GALNT18: variants seen among roughly 807,000 people sequenced by gnomAD.
GALNT18 encodes the protein polypeptide N-acetylgalactosaminyltransferase 18.
GALNT18 carries 44 observed loss-of-function variants against 69.5 expected under a neutral mutation model. The observed-to-expected ratio is 0.63, with a 90% confidence interval of 0.50 to 0.81. The LOEUF (loss-of-function observed/expected upper bound fraction) is 0.81. GALNT18 is among the 40% of genes least tolerant of loss of function. The probability of loss-of-function intolerance (pLI) is 0.00; values close to 1 mark genes in which losing one functional copy is unlikely to be tolerated. For missense variants in GALNT18, 715 were observed against 810.0 expected, an observed-to-expected ratio of 0.88 and a Z score of 1.42; for synonymous variants, 364 against 318.2, an observed-to-expected ratio of 1.14 and a Z score of -1.53.
Position 11,600,616 on chromosome 11 carries a change from G to A in GALNT18, c.235+20743C>T, listed in dbSNP as rs1859609585. Among the ~76,000 whole-genome samples the A allele has an allele frequency of 6.6e-6, 1 of 151,990 alleles. No homozygotes were observed. On this transcript the variant is annotated intron_variant, in intron 1 of 10. Coordinates refer to ENST00000227756, the MANE Select transcript of GALNT18 (RefSeq NM_198516.3). This position sits in a 1 kb window ranked among gnomAD's most constrained non-coding sequence, Gnocchi z 4.8. ...CAAAATTTCAACTATGATGTGTCTG[G>A]ATGTGGCTTTGTTTTTATCCTATAT...
At position 11,582,841 on chromosome 11, in the gene GALNT18, G is replaced by A. The variant is rs763005457; in HGVS notation, c.235+38518C>T. 1.1e-4 allele frequency among the ~76,000 whole-genome samples: 17 copies of A among 152,216 alleles called. No homozygotes were observed. The highest frequency in any genetic ancestry group is 6.2e-4 in the South Asian group (3 of 4,816). On this transcript the variant is annotated intron_variant, in intron 1 of 10. Transcript: ENST00000227756. This position sits in a 1 kb window ranked among gnomAD's most constrained non-coding sequence, Gnocchi z 5.0. ...TTACTCTAGTTGTTGAGTGAAGAAC[G>A]GACCCACATCAGCTGCACCTCTTTC...
chr11:11,397,617 G>A (rs2133729577), intron 3 of GALNT18, among the ~76,000 whole-genome samples: 1 of 152,086 alleles, frequency 6.6e-6, no homozygotes, highest in Admixed American at 6.5e-5. Flanking sequence ...CCGCCCACCT[G>A]CCACCATGCC....
chr11:11,580,780 C>A (rs1859059882), intron 1 of GALNT18, among the ~76,000 whole-genome samples: 2 of 152,228 alleles, frequency 1.3e-5, no homozygotes, highest in African/African-American at 4.8e-5. Context: ...CTGGGCTCAG[C>A]AGGGATTAGG....
chr11:11,291,092 G>A (rs1162102854), intron 10 of GALNT18, among the ~76,000 whole-genome samples: 4 of 152,200 alleles, frequency 2.6e-5, no homozygotes, highest in Non-Finnish European at 5.9e-5. Flanking sequence ...GGAGGGAAAT[G>A]TAGCCTCATC....
At chr11:11,304,926 G>A (rs139801326) in intron 9 of GALNT18, among the ~76,000 whole-genome samples, 10 of 152,334 alleles carry the variant, frequency 6.6e-5, no homozygotes, top group Non-Finnish European at 1.2e-4. Flanking sequence ...GATGACAACC[G>A]AGGAGCATGA....
intron 3 of GALNT18, among the ~76,000 whole-genome samples, chr11:11,388,662 T>A (rs941601950): frequency 6.6e-6 from 1 of 152,180 alleles, no homozygotes. Flanking sequence ...GCTCGGCTAG[T>A]CCAGGTCAGC....
At chr11:11,352,981 G>T in intron 6 of GALNT18, 1 of 1,613,880 alleles carries the variant, frequency 6.2e-7, no homozygotes, top group South Asian at 1.1e-5. Context: ...TATTTACCTC[G>T]GCCTAATTTT....
intron 1 of GALNT18, among the ~76,000 whole-genome samples, chr11:11,529,625 TTA>T (rs10545842): frequency 0.31 from 46,182 of 148,848 alleles, 7,336 homozygotes; most frequent in South Asian, 0.39. Context: ...AATAATCTCC[TTA>T]TATATATATA....
rs1434573300 is a variant in GALNT18 at position 11,415,432 on chromosome 11, A to G, written c.595+17189T>C. ...CGTGTCCTTGTAGCCACCTACTTGT[A>G]TAATAAGTAGGTCCTCCAAGTTCAT... On this transcript the variant is annotated intron_variant, in intron 3 of 10. Transcript: ENST00000227756. This position sits in a 1 kb window ranked among gnomAD's most constrained non-coding sequence, Gnocchi z 4.1. 6.6e-6 allele frequency among the ~76,000 whole-genome samples: 1 copy of G among 152,146 alleles called. No individual in the cohort carries two copies. Among genetic ancestry groups the G allele is most frequent in the East Asian group, 1.9e-4 (1 of 5,190 alleles).
chr11:11,292,547 A>G (rs78314437), intron 10 of GALNT18, among the ~76,000 whole-genome samples: 4,378 of 152,284 alleles, frequency 0.029, 143 homozygotes, highest in African/African-American at 0.084. Flanking sequence ...CGTGGAAGGC[A>G]GAGGGGGTTG....
chr11:11,418,983 G>T (rs148927925), intron 3 of GALNT18, among the ~76,000 whole-genome samples: 3 of 152,322 alleles, frequency 2.0e-5, no homozygotes, highest in African/African-American at 4.8e-5. Flanking sequence ...CAGTGAACCA[G>T]GTCACTACCC....
At position 11,377,088 on chromosome 11, in the gene GALNT18, TG is replaced by T; in HGVS notation, c.977+93del. The T allele has an allele frequency of 8.1e-7, 1 of 1,229,290 alleles. No individual in the cohort carries two copies. Among genetic ancestry groups the T allele is most frequent in the Non-Finnish European group, 1.2e-6 (1 of 853,878 alleles). The allele number at this position is 1,229,290 out of a possible 1,614,324, so 76.1% of individuals were successfully genotyped here. A position where few individuals can be genotyped will look rare whatever the true frequency, so the allele number is the denominator to read the frequency against. On this transcript the variant is annotated intron_variant, in intron 5 of 10. Coordinates refer to ENST00000227756, the MANE Select transcript of GALNT18 (RefSeq NM_198516.3). This position sits in a 1 kb window ranked among gnomAD's most constrained non-coding sequence, Gnocchi z 4.6. Reference sequence around the variant, plus strand: ...CTGCCCACCCCTGTCATCCCCACGATGGGGCTCAAGTTGGAGAATAAGCATT... The same window carrying T: ...CTGCCCACCCCTGTCATCCCCACGATGGGCTCAAGTTGGAGAATAAGCATT...
At position 11,339,286 on chromosome 11, in the gene GALNT18, C is replaced by T. The variant is rs1850161959; in HGVS notation, c.1278+1533G>A. 6.6e-6 allele frequency among the ~76,000 whole-genome samples: 1 copy of T among 152,170 alleles called. No individual in the cohort carries two copies. The highest frequency in any genetic ancestry group is 2.4e-5 in the African/African-American group (1 of 41,438). ...ACCACCTTGAGGAGTCGCAGACAGA[C>T]ACTGAATTTCATCATTTTTCAATTA... is the stretch of plus-strand genomic sequence containing the variant. On this transcript the variant is annotated intron_variant, in intron 7 of 10. Coordinates refer to ENST00000227756, the MANE Select transcript of GALNT18 (RefSeq NM_198516.3). This position sits in a 1 kb window ranked among gnomAD's most constrained non-coding sequence, Gnocchi z 5.2.
chr11:11,537,754 A>G (rs1353566091), intron 1 of GALNT18, among the ~76,000 whole-genome samples: 1 of 152,226 alleles, frequency 6.6e-6, no homozygotes, highest in Non-Finnish European at 1.5e-5. Flanking sequence ...AGAATCTCTC[A>G]GGAAGGAATA....
Position 11,372,653 on chromosome 11 carries a change from A to T in GALNT18, c.978-24T>A. The T allele has an allele frequency of 6.3e-7, 1 of 1,588,322 alleles. No homozygotes were observed. Among genetic ancestry groups the T allele is most frequent in the Non-Finnish European group, 8.6e-7 (1 of 1,157,476 alleles). On this transcript the variant is annotated intron_variant, in intron 5 of 10. Transcript: ENST00000227756. The surrounding 1 kb of genome is among the most constrained non-coding windows in gnomAD (Gnocchi z 4.9). Reference sequence around the variant, plus strand: ...TCCTGCAGGGGCAGGGGAGAGCAGAAGGGCTGTCTGGTGCAGCTGTCCGAG... The same window carrying T: ...TCCTGCAGGGGCAGGGGAGAGCAGATGGGCTGTCTGGTGCAGCTGTCCGAG...
intron 1 of GALNT18, among the ~76,000 whole-genome samples, chr11:11,453,753 C>T (rs531511428): frequency 3.2e-4 from 48 of 152,328 alleles, no homozygotes; most frequent in East Asian, 7.7e-4. Context: ...CCTGCCACCA[C>T]GTAAGGTGTG....
chr11:11,287,374 A>G (rs1590009790), intron 10 of GALNT18, among the ~76,000 whole-genome samples: 1 of 152,144 alleles, frequency 6.6e-6, no homozygotes, highest in Non-Finnish European at 1.5e-5. Context: ...ATTACAAACC[A>G]TTCAAAGGAA....
rs1476945315 is a variant in GALNT18 at position 11,543,637 on chromosome 11, A to C, written c.235+77722T>G. Reference sequence around the variant, plus strand: ...GCCTGGCTTCAGTGCCCAGCACATCAGAGCCTCTGTTCCTCCCCTCGCCAC... The same window carrying C: ...GCCTGGCTTCAGTGCCCAGCACATCCGAGCCTCTGTTCCTCCCCTCGCCAC... On this transcript the variant is annotated intron_variant, in intron 1 of 10. Transcript: ENST00000227756. This position sits in a 1 kb window ranked among gnomAD's most constrained non-coding sequence, Gnocchi z 5.1. Among the ~76,000 whole-genome samples the C allele has an allele frequency of 6.6e-6, 1 of 152,196 alleles. No individual in the cohort carries two copies. Among genetic ancestry groups the C allele is most frequent in the Non-Finnish European group, 1.5e-5 (1 of 68,038 alleles).
intron 2 of GALNT18, among the ~76,000 whole-genome samples, chr11:11,447,212 C>T (rs1248914759): frequency 6.6e-6 from 1 of 152,140 alleles, no homozygotes; most frequent in East Asian, 1.9e-4. Context: ...GAAAGGTACT[C>T]CCCCCATCCT....
Sources: gnomAD v4.1 joint callset for allele counts (sites outside exome capture counted in the v4.1 genomes callset) on GRCh38, gnomAD v4.1.1 for gene constraint, Gnocchi (gnomAD v3.1) non-coding constraint, MANE v1.5 for transcripts, NCBI Gene and HGNC (gene_info 2026-07-23, HGNC 2026-07-21) for gene names.